ARHGAP25: variants seen among roughly 807,000 people sequenced by gnomAD.
ARHGAP25 encodes Rho GTPase activating protein 25, also known as rho GTPase-activating protein 25.
A neutral mutation model predicts 71.0 loss-of-function variants in ARHGAP25; 34 were observed. That is an observed-to-expected ratio of 0.48 (90% CI 0.36 to 0.64). The LOEUF (loss-of-function observed/expected upper bound fraction) is 0.64. ARHGAP25 is among the 30% of genes least tolerant of loss of function. The pLI is 0.00. For synonymous variants in ARHGAP25, 282 were observed against 296.5 expected, an observed-to-expected ratio of 0.95 and a Z score of 0.50; for missense variants, 706 against 805.1, an observed-to-expected ratio of 0.88 and a Z score of 1.49.
rs1400501682 is a variant in ARHGAP25 at position 68,822,556 on chromosome 2, C to A, written c.1417C>A (p.Pro473Thr). The A allele has an allele frequency of 6.2e-7, 1 of 1,614,184 alleles. No individual in the cohort carries two copies. The highest frequency in any genetic ancestry group is 8.5e-7 in the Non-Finnish European group (1 of 1,180,038). ...GATCTTTAAAAATGAATTCTGGTCG[C>A]CTTCCTCAGAGGCTAAGGCAGGGGA... ...MEIFKNEFWS[P>T]SSEAKAGEGH... Residue 473 changes from proline (P) to threonine (T), a missense_variant, in exon 10 of 11, where the codon CCT (proline) becomes ACT (threonine). By Grantham distance (38) the Pro-to-Thr change is conservative. Coordinates refer to ENST00000409202, the MANE Select transcript of ARHGAP25 (RefSeq NM_001007231.3).
intron 4 of ARHGAP25, among the ~76,000 whole-genome samples, chr2:68,790,510 A>T (rs1679095985): frequency 6.6e-6 from 1 of 152,176 alleles, no homozygotes; most frequent in African/African-American, 2.4e-5. Context: ...TACCACTTGG[A>T]AAGAATCTCT....
chr2:68,819,086 T>C (rs1241823524), intron 8 of ARHGAP25, 37 bp from the exon 9 acceptor site: 2 of 1,503,210 alleles, frequency 1.3e-6, no homozygotes, highest in Admixed American at 4.5e-5. Flanking sequence ...ACCTGCCTCC[T>C]ACACTACACA....
At chr2:68,821,907 T>G (rs1434926375) in intron 9 of ARHGAP25, among the ~76,000 whole-genome samples, 3 of 25,602 alleles carry the variant, frequency 1.2e-4, no homozygotes, top group Non-Finnish European at 2.2e-4. Flanking sequence ...TTTTTGCTAG[T>G]TTTTTTTTTT....
chr2:68,823,723 A>T (rs1406964070), intron 10 of ARHGAP25, among the ~76,000 whole-genome samples: 1 of 152,182 alleles, frequency 6.6e-6, no homozygotes, highest in African/African-American at 2.4e-5. Flanking sequence ...AACCTGGTTT[A>T]TGCTTCATTG....
At chr2:68,749,169 C>G (rs1184974213) in intron 1 of ARHGAP25, among the ~76,000 whole-genome samples, 1 of 152,056 alleles carries the variant, frequency 6.6e-6, no homozygotes, top group East Asian at 1.9e-4. Flanking sequence ...GAAGAGAGGA[C>G]CAATTACATT....
intron 2 of ARHGAP25, 182 bp downstream of exon 2, chr2:68,775,602 G>A: frequency 1.0e-6 from 1 of 981,782 alleles, no homozygotes; most frequent in Non-Finnish European, 1.6e-6. Flanking sequence ...AAAGATGACA[G>A]AGTGGTCCTC....
At chr2:68,762,253 T>TTAC (rs1255723178) in intron 1 of ARHGAP25, among the ~76,000 whole-genome samples, 2 of 152,292 alleles carry the variant, frequency 1.3e-5, no homozygotes, top group East Asian at 3.9e-4. Context: ...AAGTTAACTC[T>TTAC]GTAATGGGTA....
intron 4 of ARHGAP25, among the ~76,000 whole-genome samples, chr2:68,789,104 C>T (rs1678980780): frequency 6.6e-6 from 1 of 151,820 alleles, no homozygotes; most frequent in African/African-American, 2.4e-5. Context: ...GTGATCTCGG[C>T]TCACTGCAAG....
intron 4 of ARHGAP25, among the ~76,000 whole-genome samples, chr2:68,792,392 C>T (rs1241298151): frequency 1.3e-5 from 2 of 152,210 alleles, no homozygotes; most frequent in Admixed American, 6.5e-5. Flanking sequence ...AGTGATTTCT[C>T]ATCATACACC....
intron 10 of ARHGAP25, among the ~76,000 whole-genome samples, chr2:68,823,641 A>G (rs1681872512): frequency 6.6e-6 from 1 of 152,184 alleles, no homozygotes; most frequent in South Asian, 2.1e-4. Flanking sequence ...GTGGAGAAGT[A>G]CAGGAGGCCA....
chr2:68,711,174 C>T (rs369896319), intron 2 of ARHGAP25, among the ~76,000 whole-genome samples: 1 of 152,204 alleles, frequency 6.6e-6, no homozygotes, highest in East Asian at 1.9e-4. Flanking sequence ...GTAGTGCATT[C>T]AGCTGCTTTC....
At chr2:68,764,448 G>GC (rs1677007795) in intron 1 of ARHGAP25, among the ~76,000 whole-genome samples, 1 of 152,160 alleles carries the variant, frequency 6.6e-6, no homozygotes, top group Non-Finnish European at 1.5e-5. Context: ...CCAGTTAAGG[G>GC]GTTAAGGGAG....
intron 10 of ARHGAP25, among the ~76,000 whole-genome samples, chr2:68,823,997 T>C (rs1271665473): frequency 6.6e-6 from 1 of 152,214 alleles, no homozygotes; most frequent in African/African-American, 2.4e-5. Flanking sequence ...CGTGGGCTCT[T>C]AGATTTATGG....
At chr2:68,717,318 C>A (rs778712941) in intron 2 of ARHGAP25, among the ~76,000 whole-genome samples, 1 of 152,164 alleles carries the variant, frequency 6.6e-6, no homozygotes, top group Non-Finnish European at 1.5e-5. Flanking sequence ...CTGAATACAT[C>A]AAACCTTAGG....
chr2:68,724,420 C>T (rs1444541057), intron 2 of ARHGAP25, among the ~76,000 whole-genome samples: 2 of 152,210 alleles, frequency 1.3e-5, no homozygotes, highest in Non-Finnish European at 2.9e-5. Context: ...CAACAGCAGA[C>T]AGCTGCCTCA....
chr2:68,720,334 GA>G (rs1558597715), intron 2 of ARHGAP25, among the ~76,000 whole-genome samples: 1 of 123,296 alleles, frequency 8.1e-6, no homozygotes, highest in East Asian at 2.5e-4. Flanking sequence ...AAAAAAAAAA[GA>G]AAAGAAAAGA....
chr2:68,820,234 A>G (rs561715273), intron 9 of ARHGAP25, among the ~76,000 whole-genome samples: 3 of 152,330 alleles, frequency 2.0e-5, no homozygotes, highest in Admixed American at 1.3e-4. Context: ...TACTCATTTA[A>G]TAGGTTTCTG....
At chr2:68,746,993 A>G (rs1376114313) in intron 1 of ARHGAP25, among the ~76,000 whole-genome samples, 1 of 128,928 alleles carries the variant, frequency 7.8e-6, no homozygotes, top group East Asian at 2.3e-4. Context: ...AGGCAACAAG[A>G]GCGAAACTCC....
chr2:68,739,756 A>G (rs1675420130), intron 1 of ARHGAP25, among the ~76,000 whole-genome samples: 1 of 152,224 alleles, frequency 6.6e-6, no homozygotes, highest in African/African-American at 2.4e-5. Context: ...TCTGTCACAG[A>G]GGATGGCATG....
Sources: allele counts gnomAD v4.1 joint callset (sites outside exome capture counted in the v4.1 genomes callset), GRCh38; gene constraint gnomAD v4.1.1; transcripts MANE v1.5; gene names NCBI Gene and HGNC (gene_info 2026-07-23, HGNC 2026-07-21).